The following CSMD3 variants were observed in gnomAD, a reference collection of about 807,000 sequenced individuals.
The protein encoded by CSMD3 is CUB and Sushi multiple domains 3, also known as CUB and sushi domain-containing protein 3.
Under a neutral mutation model 435.2 loss-of-function variants are expected in CSMD3, and 177 were observed. The ratio of observed to expected loss-of-function variants is 0.41; its 90% confidence interval spans 0.36 to 0.46. The LOEUF (loss-of-function observed/expected upper bound fraction) is 0.46. Among genes scored for constraint, CSMD3 ranks in the 20% least tolerant of loss-of-function variants. The pLI is 0.34. For synonymous variants in CSMD3, 1,656 were observed against 1,520.5 expected, an observed-to-expected ratio of 1.09 and a Z score of -2.07; for missense variants, 4,265 against 4,504.6, an observed-to-expected ratio of 0.95 and a Z score of 1.52.
chr8:112,551,895 A>G (rs1827718948), intron 26 of CSMD3, among the ~76,000 whole-genome samples: 3 of 152,106 alleles, frequency 2.0e-5, no homozygotes, highest in African/African-American at 7.2e-5. Flanking sequence ...AGTAGCTCAT[A>G]TGTCAAGGAT....
intron 10 of CSMD3, among the ~76,000 whole-genome samples, chr8:112,874,205 G>A (rs768864741): frequency 6.6e-6 from 1 of 152,114 alleles, no homozygotes; most frequent in Non-Finnish European, 1.5e-5. Flanking sequence ...CAGTTTCCAT[G>A]TAGTTGTGCA....
chr8:112,980,621 AT>A lies in CSMD3; in HGVS notation c.1031-4474del, dbSNP rs373410291. ...TAGCATATGTAATTTAATGTTTGTT[AT>A]TTTTTTCTTCTTTTCTTTAATATGA... is the stretch of plus-strand genomic sequence containing the variant. On this transcript the variant is annotated intron_variant, in intron 6 of 70. Coordinates refer to ENST00000297405, the MANE Select transcript of CSMD3 (RefSeq NM_198123.2). Among the ~76,000 whole-genome samples the A allele has an allele frequency of 3.2e-4, 48 of 151,456 alleles. No individual in the cohort carries two copies. In the East Asian group the frequency reaches 8.5e-3, roughly 27 times the overall value.
intron 6 of CSMD3, among the ~76,000 whole-genome samples, chr8:113,015,082 G>A (rs2086403968): frequency 6.6e-6 from 1 of 151,942 alleles, no homozygotes; most frequent in African/African-American, 2.4e-5. Context: ...ACTGTACACA[G>A]GTATTTATGT....
chr8:113,023,645 T>C (rs1487530143), intron 5 of CSMD3, among the ~76,000 whole-genome samples: 3 of 152,124 alleles, frequency 2.0e-5, no homozygotes, highest in African/African-American at 4.8e-5. Flanking sequence ...GAAATAAATA[T>C]CCTTTCTTTA....
chr8:113,308,270 T>TC (rs1404183820), intron 2 of CSMD3, among the ~76,000 whole-genome samples: 2 of 116,942 alleles, frequency 1.7e-5, no homozygotes, highest in Admixed American at 8.8e-5. Flanking sequence ...TTTTTTTTTT[T>TC]TTTTTTTTTT....
chr8:112,596,458 G>A (rs998453633), intron 22 of CSMD3, among the ~76,000 whole-genome samples: 11 of 152,010 alleles, frequency 7.2e-5, no homozygotes, highest in African/African-American at 2.2e-4. Context: ...ACAGATCAAC[G>A]AGACAGAAAG....
rs116792177 is a variant in CSMD3, at chr8:113,337,078, G to A, written c.179-22285C>T. Among the ~76,000 whole-genome samples the A allele has an allele frequency of 2.9e-3, 436 of 152,164 alleles. 1 individual carries two copies. The highest frequency in any genetic ancestry group is 9.5e-3 in the African/African-American group (394 of 41,524). ...TTTCTTGGTCCTTTGGGTACAGAAG[G>A]CAGGCTGTTATTGGTGCTTTTTGTG... On this transcript the variant is annotated intron_variant, in intron 1 of 70. Transcript: ENST00000297405.
rs2131589104 is a variant in CSMD3 at position 112,638,774 on chromosome 8, A to G, written c.3448T>C (p.Tyr1150His). 3.1e-6 allele frequency: 5 copies of G among 1,612,242 alleles called. No individual in the cohort carries two copies. The highest frequency in any genetic ancestry group is 4.2e-6 in the Non-Finnish European group (5 of 1,178,522). Residue 1150 changes from tyrosine (Y) to histidine (H), a missense_variant, in exon 21 of 71, where the codon TAT (tyrosine) becomes CAT (histidine). Transcript: ENST00000297405. Reference sequence around the variant, plus strand: ...CGCAATTGAGCCCTGAAATTTCCATAGAGACCAGCATTGATTGTTGGAGGA... The same window carrying G: ...CGCAATTGAGCCCTGAAATTTCCATGGAGACCAGCATTGATTGTTGGAGGA... Reference protein sequence around the residue: ...DLPPTINAGLYGNFRAQLRFI... With the variant: ...DLPPTINAGLHGNFRAQLRFI...
At chr8:113,413,334 A>G (rs2094567667) in intron 1 of CSMD3, among the ~76,000 whole-genome samples, 1 of 152,120 alleles carries the variant, frequency 6.6e-6, no homozygotes, top group African/African-American at 2.4e-5. Flanking sequence ...ATTCTATACA[A>G]ATAACTTGAG....
At chr8:113,218,043 A>G (rs963669471) in intron 3 of CSMD3, among the ~76,000 whole-genome samples, 6 of 151,096 alleles carry the variant, frequency 4.0e-5, no homozygotes, top group African/African-American at 9.7e-5. Flanking sequence ...ATATGTTTCA[A>G]TATAGCACTC....
intron 1 of CSMD3, among the ~76,000 whole-genome samples, chr8:113,323,334 C>A (rs1257030535): frequency 3.3e-5 from 5 of 152,050 alleles, no homozygotes; most frequent in African/African-American, 4.8e-5. Context: ...ATAAAATAAC[C>A]AAACGGCTCA....
chr8:112,352,628 T>G, intron 38 of CSMD3, 94 bp from the exon 39 acceptor site: 1 of 1,071,606 alleles, frequency 9.3e-7, no homozygotes, highest in Non-Finnish European at 1.4e-6. Context: ...TATCAGTGTC[T>G]CATCAAACTA....
intron 1 of CSMD3, among the ~76,000 whole-genome samples, chr8:113,361,324 C>T (rs193245360): frequency 4.1e-4 from 62 of 152,056 alleles, no homozygotes; most frequent in African/African-American, 1.4e-3. Context: ...TGAAATAAAC[C>T]CATATTTTGA....
chr8:112,646,337 T>C (rs2074978735), intron 19 of CSMD3, among the ~76,000 whole-genome samples: 1 of 152,134 alleles, frequency 6.6e-6, no homozygotes, highest in African/African-American at 2.4e-5. Flanking sequence ...ACACCAGACA[T>C]GTGCTCCTGA....
At chr8:113,318,411 CAT>C (rs2093925675) in intron 1 of CSMD3, among the ~76,000 whole-genome samples, 2 of 152,132 alleles carry the variant, frequency 1.3e-5, no homozygotes, top group South Asian at 2.1e-4. Context: ...TATCATCTCA[CAT>C]AGTTACTTTT....
intron 13 of CSMD3, among the ~76,000 whole-genome samples, chr8:112,788,376 G>T (rs1274554145): frequency 6.6e-6 from 1 of 151,646 alleles, no homozygotes; most frequent in East Asian, 1.9e-4. Flanking sequence ...TTCCCACCAC[G>T]CATCCTAGAA....
intron 10 of CSMD3, among the ~76,000 whole-genome samples, chr8:112,879,522 T>C (rs954094475): frequency 1.3e-5 from 2 of 152,110 alleles, no homozygotes; most frequent in Non-Finnish European, 2.9e-5. Context: ...CTTTGAAGCA[T>C]GTGATCTCTG....
At chr8:113,361,447 TATA>T (rs916050951) in intron 1 of CSMD3, among the ~76,000 whole-genome samples, 5 of 152,118 alleles carry the variant, frequency 3.3e-5, no homozygotes, top group Admixed American at 6.5e-5. Flanking sequence ...AGTATTTTCT[TATA>T]ATATTTCCTG....
intron 2 of CSMD3, among the ~76,000 whole-genome samples, chr8:113,286,742 G>A (rs565151448): frequency 3.1e-4 from 47 of 152,032 alleles, no homozygotes; most frequent in African/African-American, 1.0e-3. Flanking sequence ...AATGTAATGT[G>A]TATAACAGCT....
Sources: gnomAD v4.1 joint callset for allele counts (sites outside exome capture counted in the v4.1 genomes callset) on GRCh38, gnomAD v4.1.1 for gene constraint, MANE v1.5 for transcripts, NCBI Gene and HGNC (gene_info 2026-07-23, HGNC 2026-07-21) for gene names.